The following ECI2 variants were observed in gnomAD, a reference collection of about 807,000 sequenced individuals.
ECI2 encodes the protein D3,D2-enoyl-CoA isomerase.
Under a neutral mutation model 38.4 loss-of-function variants are expected in ECI2, and 27 were observed. The ratio of observed to expected loss-of-function variants is 0.70; its 90% CI spans 0.52 to 0.97. ECI2 has a LOEUF of 0.97. ECI2 is among the 50% of genes least tolerant of loss of function. ECI2 has a pLI of 0.00. For synonymous variants in ECI2, 168 were observed against 172.0 expected (o/e 0.98, Z 0.18); for missense variants, 470 against 474.4 (o/e 0.99, Z 0.09).
intron 7 of ECI2, chr6:4,125,015 A>G (rs1277475482): frequency 7.5e-6 from 5 of 668,180 alleles, no homozygotes; most frequent in Non-Finnish European, 1.3e-5. Flanking sequence ...GTGGAATTTG[A>G]TTAGAATCCG....
intron 7 of ECI2, among the ~76,000 whole-genome samples, chr6:4,121,577 G>GA (rs1772758261): frequency 6.6e-6 from 1 of 151,932 alleles, no homozygotes; most frequent in Non-Finnish European, 1.5e-5. Flanking sequence ...TACATGAGTT[G>GA]AAAAATTGTT....
intron 2 of ECI2, 115 bp from the exon 3 acceptor site, chr6:4,130,980 G>A: frequency 1.1e-6 from 1 of 949,032 alleles, no homozygotes; most frequent in Non-Finnish European, 1.6e-6. Flanking sequence ...CCTTTCACAG[G>A]GTATGTAAAT....
At chr6:4,126,280 A>G (rs372866394) in intron 5 of ECI2, 43 bp from the exon 6 acceptor site, 10 of 1,534,964 alleles carry the variant, frequency 6.5e-6, no homozygotes, top group Middle Eastern at 1.7e-4. Context: ...CAATCATCCT[A>G]TAATTCTTGA....
intron 9 of ECI2, 34 bp from the exon 10 acceptor site, chr6:4,116,063 T>G (rs1181374748): frequency 1.3e-6 from 2 of 1,598,900 alleles, no homozygotes; most frequent in African/African-American, 2.7e-5. Context: ...AGGTTAAGAG[T>G]TGACCTAGGC....
In ECI2 at chr6:4,135,532, A is replaced by T. The variant is rs746330695; in HGVS notation, c.29T>A (p.Leu10Gln). Reference sequence around the variant, plus strand: ...TTACCTCGGACACGAACGCCGCGCCAGTCTCCAAGCCAAGTACGCCATCGC... The same window carrying T: ...TTACCTCGGACACGAACGCCGCGCCTGTCTCCAAGCCAAGTACGCCATCGC... MAMAYLAWR[L>Q]ARRSCPSSLQ... The change falls in exon 1 of 10, where the codon CTG (leucine) becomes CAG (glutamine). Residue 10 changes from leucine to glutamine, a missense_variant. Transcript: ENST00000380118. 1.3e-6 allele frequency: 2 copies of T among 1,549,428 alleles called. No individual in the cohort carries two copies. The highest frequency in any genetic ancestry group is 8.8e-7 in the Non-Finnish European group (1 of 1,140,356).
At chr6:4,118,520 A>G (rs534360540) in intron 8 of ECI2, 74 of 152,404 alleles carry the variant, frequency 4.9e-4, no homozygotes, top group African/African-American at 1.7e-3. Flanking sequence ...TCTTGCAGCA[A>G]TATTTGCTAA....
chr6:4,120,400 C>A (rs1772636628), intron 7 of ECI2, among the ~76,000 whole-genome samples: 1 of 152,166 alleles, frequency 6.6e-6, no homozygotes, highest in Admixed American at 6.5e-5. Context: ...GCAGTTATAA[C>A]AAATGGCATT....
chr6:4,126,142 A>T lies in ECI2; in HGVS notation c.667T>A (p.Leu223Ile). 6.2e-7 allele frequency: 1 copy of T among 1,613,680 alleles called. No individual in the cohort carries two copies. ...AAGGTCAGTAACTCTTACCTCAGTA[A>T]AACGGCATTATTTTTAGCTTTCTCC... is the stretch of plus-strand genomic sequence containing the variant. ...VEEKAKNNAV[L>I]LREFVGCFID... Residue 223 changes from leucine to isoleucine, a missense_variant, in exon 6 of 10, where the codon TTA becomes ATA. By Grantham distance (5) the Leu-to-Ile change is conservative. Coordinates refer to ENST00000380118, the MANE Select transcript of ECI2 (RefSeq NM_206836.3).
At chr6:4,133,810 T>A in intron 1 of ECI2, 99 bp from the exon 2 acceptor site, 1 of 1,375,218 alleles carries the variant, frequency 7.3e-7, no homozygotes. Context: ...AAATGCCATG[T>A]TTGTCTATAG....
Position 4,126,163 on chromosome 6 carries a change from T to C in ECI2, c.646A>G (p.Lys216Glu), listed in dbSNP as rs767076464. The C allele has an allele frequency of 1.5e-5, 25 of 1,613,966 alleles. No individual in the cohort carries two copies. In the Middle Eastern group the frequency reaches 8.2e-4, roughly 53 times the overall value. Reference protein sequence around the residue: ...TDIPPGGVEEKAKNNAVLLRE... With the variant: ...TDIPPGGVEEEAKNNAVLLRE... ...AGTAAAACGGCATTATTTTTAGCTT[T>C]CTCCTCTACTCCACCAGGGGGAATA... The change falls in exon 6 of 10, where the codon AAA (lysine) becomes GAA (glutamate). Residue 216 changes from lysine (K) to glutamate (E), a missense_variant. Transcript: ENST00000380118.
chr6:4,131,199 C>T (rs1362762260), intron 2 of ECI2, among the ~76,000 whole-genome samples: 2 of 152,058 alleles, frequency 1.3e-5, no homozygotes, highest in African/African-American at 2.4e-5. Flanking sequence ...TTCAAGCAAA[C>T]AATCTTTACA....
chr6:4,130,536 C>T lies in ECI2; in HGVS notation c.337G>A (p.Asp113Asn). The T allele has an allele frequency of 6.2e-7, 1 of 1,614,232 alleles. No individual in the cohort carries two copies. The highest frequency in any genetic ancestry group is 8.5e-7 in the Non-Finnish European group (1 of 1,180,040). Residue 113 changes from aspartate to asparagine, a missense_variant, in exon 4 of 10, where the codon GAT becomes AAT. Asp to Asn is a conservative substitution (Grantham distance 23, BLOSUM62 1). Transcript: ENST00000380118. ...PKEAARQNYV[D>N]LVSSLSPSLE... ...GAAGGACTCAAACTGGACACCAAAT[C>T]CACATAGTTCTGCCTGGCAGCTTCC...
At chr6:4,131,321 A>G (rs1366343399) in intron 2 of ECI2, among the ~76,000 whole-genome samples, 1 of 152,168 alleles carries the variant, frequency 6.6e-6, no homozygotes, top group Admixed American at 6.5e-5. Flanking sequence ...CCTGGGTAAC[A>G]AAACTGTAGC....
chr6:4,132,657 T>C (rs1013679892), intron 2 of ECI2, among the ~76,000 whole-genome samples: 1 of 152,190 alleles, frequency 6.6e-6, no homozygotes, highest in African/African-American at 2.4e-5. Context: ...AATTTTGTTA[T>C]AAAAATTTCC....
intron 7 of ECI2, among the ~76,000 whole-genome samples, chr6:4,123,320 A>C (rs1342750557): frequency 6.6e-6 from 1 of 151,608 alleles, no homozygotes; most frequent in African/African-American, 2.4e-5. Context: ...GGGATTACAG[A>C]CACCCGCCAC....
rs1396438903 is a variant in ECI2, at chr6:4,115,720, T to G, written c.*154A>C. On this transcript the variant is annotated 3_prime_UTR_variant, in exon 10 of 10. Transcript: ENST00000380118. ...AATTCTTAAGCTTGTTTTACAAAACTTTTTATTCATCAGAGCTGTAGTGAA... is the reference window on the plus strand; with the variant it reads ...AATTCTTAAGCTTGTTTTACAAAACGTTTTATTCATCAGAGCTGTAGTGAA... 9 of 1,263,722 alleles carry G rather than the reference T, an allele frequency of 7.1e-6. No individual in the cohort carries two copies. In the Admixed American group the frequency reaches 1.9e-4, roughly 27 times the overall value. 78.3% of individuals were successfully genotyped at this position (1,263,722 alleles called of 1,614,324 possible).
intron 5 of ECI2, among the ~76,000 whole-genome samples, chr6:4,126,625 T>C (rs1202955422): frequency 6.6e-6 from 1 of 152,106 alleles, no homozygotes; most frequent in African/African-American, 2.4e-5. Flanking sequence ...GTGCAAAGGC[T>C]CTTTGGAGAG....
At chr6:4,130,983 A>T in intron 2 of ECI2, 118 bp from the exon 3 acceptor site, 1 of 889,022 alleles carries the variant, frequency 1.1e-6, no homozygotes, top group Non-Finnish European at 1.7e-6. Context: ...TTCACAGGGT[A>T]TGTAAATTGA....
intron 1 of ECI2, 104 bp from the exon 2 acceptor site, chr6:4,133,815 C>G: frequency 7.4e-7 from 1 of 1,350,334 alleles, no homozygotes; most frequent in Non-Finnish European, 9.7e-7. Context: ...CCATGTTTGT[C>G]TATAGATATT....
Sources: gnomAD v4.1 joint callset for allele counts (sites outside exome capture counted in the v4.1 genomes callset) on GRCh38, gnomAD v4.1.1 for gene constraint, MANE v1.5 for transcripts, NCBI Gene and HGNC (gene_info 2026-07-23, HGNC 2026-07-21) for gene names.